CHSY1: variants seen among roughly 807,000 people sequenced by gnomAD.
The protein encoded by CHSY1 is chondroitin sulfate synthase 1, also known as N-acetylgalactosaminyl-proteoglycan 3-beta-glucuronosyltransferase 1.
Under a neutral mutation model 59.8 loss-of-function variants are expected in CHSY1, and 13 were observed. That is an observed-to-expected ratio of 0.22 (90% CI 0.14 to 0.35). CHSY1 has a LOEUF of 0.35. CHSY1 is among the 10% of genes least tolerant of loss of function. CHSY1 has a pLI of 1.00. For synonymous variants in CHSY1, 459 were observed against 401.2 expected (o/e 1.14, Z -1.72); for missense variants, 947 against 1,030.6 (o/e 0.92, Z 1.11).
At chr15:101,199,374 G>C (rs1404572767) in intron 2 of CHSY1, among the ~76,000 whole-genome samples, 1 of 152,146 alleles carries the variant, frequency 6.6e-6, no homozygotes, top group Admixed American at 6.5e-5. Flanking sequence ...GTGGTAGCAC[G>C]CGCCTGTAGT....
chr15:101,180,928 A>C (rs934418797), intron 2 of CHSY1, among the ~76,000 whole-genome samples: 6 of 152,224 alleles, frequency 3.9e-5, no homozygotes, highest in African/African-American at 1.4e-4. Context: ...GCAGGGCTAC[A>C]AGGTGGCAAA....
chr15:101,214,023 C>T (rs771767659), intron 2 of CHSY1, among the ~76,000 whole-genome samples: 71 of 152,308 alleles, frequency 4.7e-4, no homozygotes, highest in Non-Finnish European at 9.6e-4. Flanking sequence ...ATTGGTTAAA[C>T]GTGGGCCAGT....
chr15:101,189,471 G>T (rs1021551621), intron 2 of CHSY1: 1 of 985,442 alleles, frequency 1.0e-6, no homozygotes, highest in South Asian at 4.7e-5. Context: ...AGCTCGGGGG[G>T]ACCAGGACGT....
At chr15:101,214,464 T>G (rs1214899669) in intron 2 of CHSY1, among the ~76,000 whole-genome samples, 4 of 152,242 alleles carry the variant, frequency 2.6e-5, no homozygotes, top group Non-Finnish European at 4.4e-5. Context: ...TCTGCCATCT[T>G]AAAATAATAA....
chr15:101,214,264 A>C (rs1352115760), intron 2 of CHSY1, among the ~76,000 whole-genome samples: 1 of 152,206 alleles, frequency 6.6e-6, no homozygotes, highest in African/African-American at 2.4e-5. Flanking sequence ...TACTGGGTGC[A>C]GCACATCTCG....
rs372083814 is a variant in CHSY1 at position 101,205,912 on chromosome 15, A to G, written c.817-26932T>C. On this transcript the variant is annotated intron_variant, in intron 2 of 2. Transcript: ENST00000254190. ...GCTTGCAGTGAGCCGAGATAGCGCCACTACACTCCAGCCTGGGCGAAAGAG... is the reference window on the plus strand; with the variant it reads ...GCTTGCAGTGAGCCGAGATAGCGCCGCTACACTCCAGCCTGGGCGAAAGAG... 3.8e-3 allele frequency among the ~76,000 whole-genome samples: 571 copies of G among 152,156 alleles called. 5 individuals are homozygous for G. The highest frequency in any genetic ancestry group is 0.013 in the African/African-American group (553 of 41,494).
In CHSY1 at chr15:101,235,731, C is replaced by T. The variant is rs946386690; in HGVS notation, c.321-154G>A. 2.0e-5 allele frequency among the ~76,000 whole-genome samples: 3 copies of T among 151,956 alleles called. No individual in the cohort carries two copies. The South Asian group carries it at 6.2e-4, about 32-fold the overall frequency. ...TCCTCTTAACGAAAGCCCAGGTTAC[C>T]GCGTATTGCAAAGTCTAAATTAACT... On this transcript the variant is annotated intron_variant, in intron 1 of 2. Coordinates refer to ENST00000254190, the MANE Select transcript of CHSY1 (RefSeq NM_014918.5).
chr15:101,196,117 A>C (rs1271071631), intron 2 of CHSY1, among the ~76,000 whole-genome samples: 6 of 150,774 alleles, frequency 4.0e-5, no homozygotes. Flanking sequence ...GGTGTAGTGG[A>C]GGGCGCCTGT....
chr15:101,229,922 G>A (rs996472136), intron 2 of CHSY1, among the ~76,000 whole-genome samples: 47 of 151,248 alleles, frequency 3.1e-4, no homozygotes, highest in African/African-American at 1.1e-3. Context: ...TAATAATGAT[G>A]ATATTAGAGA....
chr15:101,245,280 C>G (rs1159649856), intron 1 of CHSY1, among the ~76,000 whole-genome samples: 1 of 152,212 alleles, frequency 6.6e-6, no homozygotes, highest in Non-Finnish European at 1.5e-5. Context: ...CGCTCCTTCA[C>G]TAACTCCTGC....
chr15:101,206,806 A>G (rs988754048), intron 2 of CHSY1, among the ~76,000 whole-genome samples: 5 of 152,238 alleles, frequency 3.3e-5, no homozygotes, highest in African/African-American at 1.2e-4. Context: ...ACAGCCTAAA[A>G]TAGTCCTCCA....
intron 2 of CHSY1, among the ~76,000 whole-genome samples, chr15:101,208,712 CAAA>C (rs35276997): frequency 3.5e-5 from 4 of 114,966 alleles, no homozygotes. Context: ...GGCTCCATCT[CAAA>C]AAAAAAAAAA....
intron 2 of CHSY1, among the ~76,000 whole-genome samples, chr15:101,226,851 AAC>A (rs1461342780): frequency 6.6e-6 from 1 of 152,258 alleles, no homozygotes; most frequent in Non-Finnish European, 1.5e-5. Context: ...TGACTTCTTA[AAC>A]AGAGTATAAG....
intron 2 of CHSY1, among the ~76,000 whole-genome samples, chr15:101,203,890 G>A (rs972448943): frequency 2.0e-5 from 3 of 152,198 alleles, no homozygotes; most frequent in African/African-American, 7.2e-5. Flanking sequence ...TATAAATGCT[G>A]CATGTGACCC....
At chr15:101,225,253 A>G (rs2038829313) in intron 2 of CHSY1, among the ~76,000 whole-genome samples, 1 of 151,414 alleles carries the variant, frequency 6.6e-6, no homozygotes, top group South Asian at 2.1e-4. Context: ...TTTTTGGCAG[A>G]TACAGGGTCT....
At chr15:101,219,989 G>C (rs2038772632) in intron 2 of CHSY1, among the ~76,000 whole-genome samples, 1 of 152,126 alleles carries the variant, frequency 6.6e-6, no homozygotes, top group Non-Finnish European at 1.5e-5. Context: ...CCTGACCTCA[G>C]GGGATCCGCC....
chr15:101,227,937 G>A (rs1177932604), intron 2 of CHSY1, among the ~76,000 whole-genome samples: 1 of 103,798 alleles, frequency 9.6e-6, no homozygotes, highest in Non-Finnish European at 1.8e-5. Context: ...CCCTGAAGGG[G>A]TAGATTTCAA....
chr15:101,195,016 A>C lies in CHSY1; in HGVS notation c.817-16036T>G, dbSNP rs76453042. 3.3e-3 allele frequency among the ~76,000 whole-genome samples: 501 copies of C among 152,300 alleles called. 16 individuals carry two copies. In the East Asian group the frequency reaches 0.058, roughly 18 times the overall value. On this transcript the variant is annotated intron_variant, in intron 2 of 2. Coordinates refer to ENST00000254190, the MANE Select transcript of CHSY1 (RefSeq NM_014918.5). ...AATGAAAAGTAGTCTTACAAACCGCATTTCATAAGCTCGCCCATAACCCAC... is the reference window on the plus strand; with the variant it reads ...AATGAAAAGTAGTCTTACAAACCGCCTTTCATAAGCTCGCCCATAACCCAC...
intron 2 of CHSY1, among the ~76,000 whole-genome samples, chr15:101,183,163 A>G (rs1239036303): frequency 6.6e-6 from 1 of 152,164 alleles, no homozygotes; most frequent in East Asian, 1.9e-4. Context: ...AAACCAGACA[A>G]CAGGAGAGAA....
Sources: allele counts gnomAD v4.1 joint callset (sites outside exome capture counted in the v4.1 genomes callset), GRCh38; gene constraint gnomAD v4.1.1; transcripts MANE v1.5; gene names NCBI Gene and HGNC (gene_info 2026-07-23, HGNC 2026-07-21).